CATSPERE: variants seen among roughly 807,000 people sequenced by gnomAD.
The protein encoded by CATSPERE is catsper channel auxiliary subunit epsilon.
Under a neutral mutation model 114.1 loss-of-function variants are expected in CATSPERE, and 93 were observed. The ratio of observed to expected loss-of-function variants is 0.81; its 90% CI spans 0.69 to 0.97. The LOEUF is 0.97. Ranked by LOEUF, CATSPERE falls within the 50% of genes least tolerant of loss-of-function variation. The pLI is 0.00. For missense variants in CATSPERE, 1,058 were observed against 1,131.6 expected, an observed-to-expected ratio of 0.93 and a Z score of 0.93; for synonymous variants, 341 against 384.1, an observed-to-expected ratio of 0.89 and a Z score of 1.31.
At chr1:244,618,968 T>C (rs1671748030) in intron 20 of CATSPERE, among the ~76,000 whole-genome samples, 1 of 152,178 alleles carries the variant, frequency 6.6e-6, no homozygotes, top group African/African-American at 2.4e-5. Context: ...TATAGTTTCA[T>C]GTTTTCTAGG....
At chr1:244,514,600 C>T (rs374298958) in intron 7 of CATSPERE, among the ~76,000 whole-genome samples, 5 of 152,110 alleles carry the variant, frequency 3.3e-5, no homozygotes, top group Admixed American at 6.5e-5. Flanking sequence ...GAGGCCGAGG[C>T]GGGTGGATCA....
At chr1:244,461,589 G>A in intron 1 of CATSPERE, 95 bp downstream of exon 1, 1 of 1,033,768 alleles carries the variant, frequency 9.7e-7, no homozygotes, top group African/African-American at 1.7e-5. Flanking sequence ...TGCGCCTCGG[G>A]ACCGCTCGCC....
chr1:244,546,365 T>C (rs1350975849), intron 8 of CATSPERE, among the ~76,000 whole-genome samples: 1 of 152,202 alleles, frequency 6.6e-6, no homozygotes, highest in Admixed American at 6.5e-5. Flanking sequence ...GACAAAACTA[T>C]ACTGTGAAGA....
At chr1:244,505,135 G>A (rs1233700038) in intron 7 of CATSPERE, among the ~76,000 whole-genome samples, 4 of 152,044 alleles carry the variant, frequency 2.6e-5, no homozygotes, top group Non-Finnish European at 5.9e-5. Context: ...CATCATCGTG[G>A]GGTTTTGTTG....
At position 244,540,126 on chromosome 1, in the gene CATSPERE, C is replaced by A. The variant is rs898687377; in HGVS notation, c.537-12196C>A. On this transcript the variant is annotated intron_variant, in intron 8 of 21. Coordinates refer to ENST00000366534, the MANE Select transcript of CATSPERE (RefSeq NM_001130957.2). ...ACAGGGATGCCCTCTCTCACCACTC[C>A]TATTCAACATAGTGTTGGAAGTTCT... Among the ~76,000 whole-genome samples the A allele has an allele frequency of 1.1e-4, 17 of 151,278 alleles. No individual in the cohort carries two copies. In the South Asian group the frequency reaches 3.6e-3, roughly 32 times the overall value.
At chr1:244,603,665 T>TTTTA (rs1206238238) in intron 17 of CATSPERE, among the ~76,000 whole-genome samples, 7 of 151,572 alleles carry the variant, frequency 4.6e-5, no homozygotes, top group Non-Finnish European at 1.5e-5. Flanking sequence ...AATTAAGATT[T>TTTTA]TTTTTTTTTT....
intron 9 of CATSPERE, among the ~76,000 whole-genome samples, chr1:244,555,108 C>T (rs1204442987): frequency 2.0e-5 from 3 of 152,046 alleles, no homozygotes; most frequent in South Asian, 2.1e-4. Flanking sequence ...ACAAACTGGC[C>T]AGGCACAGTG....
chr1:244,504,029 G>A lies in CATSPERE; in HGVS notation c.429+4950G>A, dbSNP rs1341652450. On this transcript the variant is annotated intron_variant, in intron 7 of 21. Transcript: ENST00000366534. This position sits in a 1 kb window ranked among gnomAD's most constrained non-coding sequence, Gnocchi z 4.1. ...CTTATTTTTTTCCTTTTTTTCTAAA[G>A]TTTTATTTTTGACTCTGTGTATAAG... Among the ~76,000 whole-genome samples the A allele has an allele frequency of 1.3e-5, 2 of 151,870 alleles. No homozygotes were observed. The highest frequency in any genetic ancestry group is 2.4e-5 in the African/African-American group (1 of 41,334).
At chr1:244,559,565 A>G (rs3000684) in intron 9 of CATSPERE, among the ~76,000 whole-genome samples, 124,531 of 152,204 alleles carry the variant, frequency 0.82, 51,030 homozygotes, top group Admixed American at 0.87. Flanking sequence ...TAGGCCCACC[A>G]AGTTTCAGGC....
intron 7 of CATSPERE, among the ~76,000 whole-genome samples, chr1:244,510,835 C>CTTTTTTTTTTTTTTTT (rs747921082): frequency 8.3e-5 from 4 of 48,342 alleles, no homozygotes; most frequent in East Asian, 8.0e-4. Flanking sequence ...TTTTCTTTTT[C>CTTTTTTTTTTTTTTTT]TTTTTTTTTT....
intron 7 of CATSPERE, 145 bp from the exon 8 acceptor site, chr1:244,518,447 A>G (rs1202765067): frequency 1.8e-6 from 1 of 564,396 alleles, no homozygotes; most frequent in Non-Finnish European, 3.1e-6. Flanking sequence ...GGTAGAAAGA[A>G]CAAAGCTGAA....
intron 17 of CATSPERE, among the ~76,000 whole-genome samples, chr1:244,605,263 T>TGCCCTTTCTCC (rs920655379): frequency 6.6e-6 from 1 of 152,222 alleles, no homozygotes; most frequent in Non-Finnish European, 1.5e-5. Flanking sequence ...GCCCTTGCTC[T>TGCCCTTTCTCC]GCCCTTTCTC....
intron 2 of CATSPERE, among the ~76,000 whole-genome samples, chr1:244,472,124 A>C (rs985537226): frequency 1.3e-5 from 2 of 151,968 alleles, no homozygotes; most frequent in Admixed American, 6.6e-5. Context: ...ACACCCAGCT[A>C]ATTTTATTTT....
At chr1:244,566,087 C>A (rs1663426606) in intron 10 of CATSPERE, among the ~76,000 whole-genome samples, 1 of 152,316 alleles carries the variant, frequency 6.6e-6, no homozygotes, top group African/African-American at 2.4e-5. Flanking sequence ...ACCCAGTAGT[C>A]ATTCAGGAGC....
At chr1:244,595,689 T>C (rs1206819331) in intron 17 of CATSPERE, among the ~76,000 whole-genome samples, 2 of 152,182 alleles carry the variant, frequency 1.3e-5, no homozygotes, top group African/African-American at 4.8e-5. Context: ...CCCAGCACTT[T>C]GGGAGGCCGA....
Position 244,607,286 on chromosome 1 carries a change from T to C in CATSPERE, c.2403+1492T>C, listed in dbSNP as rs1670131744. ...TCTTAGCCAAAAGGCCACTAAGAGA[T>C]ACAGTATCATTTCCAGGTCATTCTC... On this transcript the variant is annotated intron_variant, in intron 18 of 21. Coordinates refer to ENST00000366534, the MANE Select transcript of CATSPERE (RefSeq NM_001130957.2). This position sits in a 1 kb window ranked among gnomAD's most constrained non-coding sequence, Gnocchi z 4.4. Among the ~76,000 whole-genome samples, 1 of 152,196 alleles carries C rather than the reference T, an allele frequency of 6.6e-6. No homozygotes were observed. The highest frequency in any genetic ancestry group is 1.5e-5 in the Non-Finnish European group (1 of 68,044).
chr1:244,621,988 A>G (rs1672458059), intron 20 of CATSPERE, among the ~76,000 whole-genome samples: 1 of 152,204 alleles, frequency 6.6e-6, no homozygotes, highest in Admixed American at 6.5e-5. Context: ...AATAATCACA[A>G]ATGTACTTAT....
chr1:244,557,532 CATATATAT>C lies in CATSPERE; in HGVS notation c.1030-3092_1030-3085del, dbSNP rs61291602. On this transcript the variant is annotated intron_variant, in intron 9 of 21. Coordinates refer to ENST00000366534, the MANE Select transcript of CATSPERE (RefSeq NM_001130957.2). ...TATATATAATTTTATTTGAAATATT[CATATATAT>C]ATATATATATATATATATATATATA... Among the ~76,000 whole-genome samples the C allele has an allele frequency of 8.2e-3, 332 of 40,538 alleles. 1 individual carries two copies. Among genetic ancestry groups the C allele is most frequent in the Middle Eastern group, 0.028 (1 of 36 alleles). 26.6% of individuals were successfully genotyped at this position (40,538 alleles called of 152,430 possible). A position where few individuals can be genotyped will look rare whatever the true frequency, so the allele number is the denominator to read the frequency against.
intron 7 of CATSPERE, among the ~76,000 whole-genome samples, chr1:244,501,448 C>A (rs1171870794): frequency 6.6e-6 from 1 of 152,124 alleles, no homozygotes. Context: ...AATTAGCTAA[C>A]TGTTAATTTC....
Sources: allele counts gnomAD v4.1 joint callset (sites outside exome capture counted in the v4.1 genomes callset), GRCh38; gene constraint gnomAD v4.1.1; non-coding constraint Gnocchi (gnomAD v3.1); transcripts MANE v1.5; gene names NCBI Gene and HGNC (gene_info 2026-07-23, HGNC 2026-07-21).